FCRL3: variants seen among roughly 807,000 people sequenced by gnomAD.
FCRL3 encodes Fc receptor like 3.
FCRL3 carries 89 observed loss-of-function variants against 75.0 expected under a neutral mutation model. The ratio of observed to expected loss-of-function variants is 1.19; its 90% CI spans 1.00 to 1.42. The LOEUF (loss-of-function observed/expected upper bound fraction) is 1.42, where lower values mean the gene tolerates loss of function less well. Ranked by LOEUF, FCRL3 falls within the 40% of genes most tolerant of loss-of-function variation. The pLI is 0.00. For synonymous variants in FCRL3, 376 were observed against 348.5 expected (o/e 1.08, Z -0.88); for missense variants, 946 against 880.0 (o/e 1.07, Z -0.95).
intron 6 of FCRL3, 179 bp from the exon 7 acceptor site, chr1:157,696,506 C>G: frequency 3.3e-6 from 2 of 610,580 alleles, no homozygotes; most frequent in Non-Finnish European, 5.7e-6. Context: ...CCCTCTCACT[C>G]CCACAACATT....
Position 157,697,789 on chromosome 1 carries a change from A to T in FCRL3, c.429T>A (p.Ser143Arg). ...TCACTGTGATCTTCTCTAAATTATA[A>T]CTATTAGGAAGCTGTTTTCCATCCT... is the stretch of plus-strand genomic sequence containing the variant. ...YYKDGKQLPN[S>R]YNLEKITVNS... is the part of the protein sequence containing the mutation. Residue 143 changes from serine (S) to arginine (R), a missense_variant, in exon 5 of 15, where the codon AGT (serine) becomes AGA (arginine). By Grantham distance (110) the Ser-to-Arg change is moderately radical. Transcript: ENST00000368184. 1 of 1,614,100 alleles carries T rather than the reference A, an allele frequency of 6.2e-7. No individual in the cohort carries two copies.
chr1:157,687,691 C>A (rs1045711438), intron 10 of FCRL3, among the ~76,000 whole-genome samples: 3 of 150,994 alleles, frequency 2.0e-5, no homozygotes, highest in Non-Finnish European at 3.0e-5. Flanking sequence ...GAACAGAAAA[C>A]CAAATACCAC....
chr1:157,678,894 CAGGAGAGGAAGGCCAGAG>C, intron 14 of FCRL3, 30 bp downstream of exon 14: 2 of 1,614,018 alleles, frequency 1.2e-6, no homozygotes, highest in Non-Finnish European at 1.7e-6. Context: ...TACCTAAATA[CAGGAGAGGAAGGCCAGAG>C]AGGAAAGAAA....
chr1:157,681,004 T>C lies in FCRL3; in HGVS notation c.1934A>G (p.Glu645Gly). 2 of 1,595,180 alleles carry C rather than the reference T, an allele frequency of 1.3e-6. No individual in the cohort carries two copies. The highest frequency in any genetic ancestry group is 1.7e-6 in the Non-Finnish European group (2 of 1,173,712). ...ACCATTGCTGTACATTGGCTCCAGCTCCATTGGGGCTAGTGGTTTAGAGTG... is the reference window on the plus strand; with the variant it reads ...ACCATTGCTGTACATTGGCTCCAGCCCCATTGGGGCTAGTGGTTTAGAGTG... ...PTHSKPLAPM[E>G]LEPMYSNVNP... The change falls in exon 12 of 15, where the codon GAG becomes GGG. Residue 645 changes from glutamate (E) to glycine (G), a missense_variant. Coordinates refer to ENST00000368184, the MANE Select transcript of FCRL3 (RefSeq NM_052939.4).
chr1:157,676,943 A>G lies in FCRL3; in HGVS notation c.*1767T>C. 1 of 1,410,954 alleles carries G rather than the reference A, an allele frequency of 7.1e-7. No individual in the cohort carries two copies. Among genetic ancestry groups the G allele is most frequent in the Non-Finnish European group, 9.2e-7 (1 of 1,083,848 alleles). The allele number at this position is 1,410,954 out of a possible 1,614,324, so 87.4% of individuals were successfully genotyped here. On this transcript the variant is annotated 3_prime_UTR_variant, in exon 15 of 15. Coordinates refer to ENST00000368184, the MANE Select transcript of FCRL3 (RefSeq NM_052939.4). ...CAAAACCGGTTTACATATTTTCACC[A>G]TAGAGAAAAAAACAGCAGAATGTAT...
Position 157,681,068 on chromosome 1 carries a change from A to G in FCRL3, c.1870T>C (p.Ser624Pro), listed in dbSNP as rs781287229. ...GGGTCTATCCTGGAAGGCCTGGACGAGGAAGGCTCCTGACACTCACTAGGA... is the reference window on the plus strand; with the variant it reads ...GGGTCTATCCTGGAAGGCCTGGACGGGGAAGGCTCCTGACACTCACTAGGA... ...HSPSECQEPSSSRPSRIDPQE... is the reference protein window; with the variant it reads ...HSPSECQEPSPSRPSRIDPQE... The change falls in exon 12 of 15, where the codon TCG becomes CCG. Residue 624 changes from serine to proline, a missense_variant. Coordinates refer to ENST00000368184, the MANE Select transcript of FCRL3 (RefSeq NM_052939.4). The G allele has an allele frequency of 3.7e-6, 6 of 1,601,292 alleles. No individual in the cohort carries two copies. In the African/African-American group the frequency reaches 8.1e-5, roughly 22 times the overall value.
Position 157,696,182 on chromosome 1 carries a change from G to T in FCRL3, c.990C>A (p.Ser330Arg). ...FSWHKEGRVR[S>R]LGRKTQRSLL... ...GGGAACGCTGGGTCTTTCTACCCAG[G>T]CTTCTTACTCTTCCTTCTTTGTGCC... Residue 330 changes from serine (S) to arginine (R), a missense_variant, in exon 7 of 15, where the codon AGC becomes AGA. Coordinates refer to ENST00000368184, the MANE Select transcript of FCRL3 (RefSeq NM_052939.4). The T allele has an allele frequency of 6.2e-7, 1 of 1,613,944 alleles. No individual in the cohort carries two copies. Among genetic ancestry groups the T allele is most frequent in the South Asian group, 1.1e-5 (1 of 91,074 alleles).
chr1:157,700,088 G>C (rs994290379), intron 2 of FCRL3, among the ~76,000 whole-genome samples: 1 of 152,186 alleles, frequency 6.6e-6, no homozygotes, highest in Non-Finnish European at 1.5e-5. Flanking sequence ...AGAAAACAGT[G>C]ATGTTTCTCA....
intron 13 of FCRL3, 116 bp from the exon 14 acceptor site, chr1:157,679,089 T>C: frequency 2.5e-6 from 3 of 1,176,734 alleles, no homozygotes; most frequent in Non-Finnish European, 3.8e-6. Context: ...TCTCTTGCTG[T>C]TTCCTCTGCT....
chr1:157,685,721 A>C (rs897262135), intron 10 of FCRL3, among the ~76,000 whole-genome samples: 2 of 152,188 alleles, frequency 1.3e-5, no homozygotes, highest in South Asian at 4.1e-4. Context: ...GATATCAATA[A>C]ATTTTTTTAA....
rs1655891748 is a variant in FCRL3, at chr1:157,696,196, C to T, written c.976G>A (p.Gly326Arg). ...GTVTFSWHKE[G>R]RVRSLGRKTQ... ...TTTCTACCCAGGCTTCTTACTCTTC[C>T]TTCTTTGTGCCAGGAGAATGTGACA... Residue 326 changes from glycine (G) to arginine (R), a missense_variant, in exon 7 of 15, where the codon GGA (glycine) becomes AGA (arginine). Physicochemically the swap from Gly to Arg is moderately radical, Grantham distance 125 (BLOSUM62 -2). Transcript: ENST00000368184. 2 of 1,613,960 alleles carry T rather than the reference C, an allele frequency of 1.2e-6. No individual in the cohort carries two copies. The highest frequency in any genetic ancestry group is 3.3e-5 in the Admixed American group (2 of 60,006).
Position 157,689,718 on chromosome 1 carries a change from C to A in FCRL3, c.1810+80G>T, listed in dbSNP as rs1026294906. ...TAGTACTTGGAAGGGAATACTTGAC[C>A]TTTATAGGGTGCACCAGACAACTTC... is the stretch of plus-strand genomic sequence containing the variant. On this transcript the variant is annotated intron_variant, in intron 10 of 14. Coordinates refer to ENST00000368184, the MANE Select transcript of FCRL3 (RefSeq NM_052939.4). 7.6e-6 allele frequency: 12 copies of A among 1,583,422 alleles called. No homozygotes were observed. The African/African-American group carries it at 1.3e-4, about 18-fold the overall frequency.
In FCRL3 at chr1:157,691,035, G is replaced by GTATC. The variant is rs1009144042; in HGVS notation, c.1412-506_1412-503dup. 6.7e-3 allele frequency among the ~76,000 whole-genome samples: 1,022 copies of GTATC among 151,632 alleles called. 3 individuals carry two copies. The highest frequency in any genetic ancestry group is 0.017 in the African/African-American group (695 of 41,156). ...TGTATGTATGTATGTATGTATGTATGTATCTATCTATCATCATTGTTTTAT... is the reference window on the plus strand; with the variant it reads ...TGTATGTATGTATGTATGTATGTATGTATCTATCTATCTATCATCATTGTTTTAT... On this transcript the variant is annotated intron_variant, in intron 8 of 14. Coordinates refer to ENST00000368184, the MANE Select transcript of FCRL3 (RefSeq NM_052939.4).
intron 10 of FCRL3, among the ~76,000 whole-genome samples, chr1:157,686,734 A>G (rs1014419065): frequency 6.6e-6 from 1 of 152,200 alleles, no homozygotes; most frequent in African/African-American, 2.4e-5. Context: ...CTTGCTAGCC[A>G]TATTCAGAAA....
intron 8 of FCRL3, among the ~76,000 whole-genome samples, chr1:157,691,381 T>C (rs1244227156): frequency 6.6e-6 from 1 of 152,208 alleles, no homozygotes; most frequent in African/African-American, 2.4e-5. Context: ...ATATAAGCCG[T>C]GTGCTTTATT....
In FCRL3 at chr1:157,697,169, C is replaced by CT. The variant is rs1288807478; in HGVS notation, c.814dup (p.Arg272LysfsTer16). On this transcript the variant is annotated frameshift_variant, in exon 6 of 15. Coordinates refer to ENST00000368184, the MANE Select transcript of FCRL3 (RefSeq NM_052939.4). LOFTEE classifies it high-confidence loss of function. Reference sequence around the variant, plus strand: ...TACACGTATCTGAGATCTCAGGCTCCTTTTTTTGATGCTGTGAGTCACTGT... The same window carrying CT: ...TACACGTATCTGAGATCTCAGGCTCCTTTTTTTTGATGCTGTGAGTCACTGT... The CT allele has an allele frequency of 9.3e-6, 14 of 1,512,478 alleles. No individual in the cohort carries two copies. The highest frequency in any genetic ancestry group is 6.5e-5 in the Admixed American group (3 of 46,286). 93.7% of individuals were successfully genotyped at this position (1,512,478 alleles called of 1,614,324 possible).
chr1:157,676,732 G>C lies in FCRL3; in HGVS notation c.*1978C>G. On this transcript the variant is annotated 3_prime_UTR_variant, in exon 15 of 15. Transcript: ENST00000368184. ...CAGGGCTAAGTGTTACAAAGACATG[G>C]AAAATCTTGAACTTTGTTCTTTCTT... is the stretch of plus-strand genomic sequence containing the variant. The C allele has an allele frequency of 6.4e-7, 1 of 1,550,414 alleles. No homozygotes were observed. Among genetic ancestry groups the C allele is most frequent in the Non-Finnish European group, 8.7e-7 (1 of 1,146,884 alleles).
At position 157,696,051 on chromosome 1, in the gene FCRL3, A is replaced by T. The variant is rs745869083; in HGVS notation, c.1121T>A (p.Val374Asp). The change falls in exon 7 of 15, where the codon GTC (valine) becomes GAC (aspartate). Residue 374 changes from valine to aspartate, a missense_variant. Transcript: ENST00000368184. ...GAATCGGAACTTACTTCTCACGGTG[A>T]CTCGAATCCACGTGCTGAGGATGGG... ...HSPILSTWIR[V>D]TVRIPVSHPV... is the part of the protein sequence containing the mutation. 6.2e-7 allele frequency: 1 copy of T among 1,607,938 alleles called. No homozygotes were observed. The highest frequency in any genetic ancestry group is 1.1e-5 in the South Asian group (1 of 90,850).
rs1656267562 is a variant in FCRL3, at chr1:157,700,758, C to G, written c.-193G>C. 7.5e-7 allele frequency: 1 copy of G among 1,329,924 alleles called. No homozygotes were observed. Among genetic ancestry groups the G allele is most frequent in the African/African-American group, 1.5e-5 (1 of 67,606 alleles). The allele number at this position is 1,329,924 out of a possible 1,614,324, so 82.4% of individuals were successfully genotyped here. A position where few individuals can be genotyped will look rare whatever the true frequency, so the allele number is the denominator to read the frequency against. Reference sequence around the variant, plus strand: ...AGCTGCAGTCTCTCAGGAGTAATGTCTCCAAGACTGTGCCTGGGTTCTCTA... The same window carrying G: ...AGCTGCAGTCTCTCAGGAGTAATGTGTCCAAGACTGTGCCTGGGTTCTCTA... On this transcript the variant is annotated 5_prime_UTR_variant, in exon 1 of 15. Coordinates refer to ENST00000368184, the MANE Select transcript of FCRL3 (RefSeq NM_052939.4).
Sources: allele counts gnomAD v4.1 joint callset (sites outside exome capture counted in the v4.1 genomes callset), GRCh38; gene constraint gnomAD v4.1.1; transcripts MANE v1.5; gene names NCBI Gene and HGNC (gene_info 2026-07-23, HGNC 2026-07-21).